The following FBN3 variants were observed in gnomAD, a reference collection of about 807,000 sequenced individuals.
FBN3 encodes fibrillin 3.
Under a neutral mutation model 330.1 loss-of-function variants are expected in FBN3, and 234 were observed. The observed-to-expected ratio is 0.71, with a 90% confidence interval of 0.64 to 0.79. The LOEUF is 0.79. FBN3 is among the 30% of genes least tolerant of loss of function. FBN3 has a pLI of 0.00. For missense variants in FBN3, 3,606 were observed against 3,886.9 expected (o/e 0.93, Z 1.92); for synonymous variants, 1,458 against 1,517.3 (o/e 0.96, Z 0.91).
In FBN3 at chr19:8,090,118, C is replaced by T; in HGVS notation, c.6165G>A (p.Leu2055=). The change falls in exon 49 of 64, where the codon CTG becomes CTA. Residue 2055 remains leucine, a synonymous_variant. Transcript: ENST00000600128. The part of the protein sequence containing the change: ...PGEGWGDPCE[L]CPQEGSAAFQ... ...ACTCACCGCTGCCCTCCTGGGGACA[C>T]AGTTCGCAGGGGTCTCCCCAGCCCT... is the stretch of plus-strand genomic sequence containing the variant. 6.2e-7 allele frequency: 1 copy of T among 1,613,884 alleles called. No homozygotes were observed. Among genetic ancestry groups the T allele is most frequent in the Non-Finnish European group, 8.5e-7 (1 of 1,179,936 alleles).
chr19:8,115,192 T>C (rs556878552), intron 30 of FBN3, among the ~76,000 whole-genome samples: 160 of 152,314 alleles, frequency 1.1e-3, no homozygotes, highest in Admixed American at 2.0e-3. Context: ...TGTGTGATCA[T>C]TTGTTATGGC....
intron 11 of FBN3, 29 bp downstream of exon 11, chr19:8,136,359 G>A (rs772971845): frequency 4.3e-5 from 69 of 1,608,526 alleles, no homozygotes; most frequent in Non-Finnish European, 5.4e-5. Context: ...AGTGAGAACC[G>A]CCCCCCCTTC....
At chr19:8,110,575 A>G (rs919870950) in intron 34 of FBN3, among the ~76,000 whole-genome samples, 7 of 152,168 alleles carry the variant, frequency 4.6e-5, no homozygotes, top group African/African-American at 1.7e-4. Flanking sequence ...AGCCAAAAAT[A>G]TTTACCACCT....
At chr19:8,074,844 C>A in intron 61 of FBN3, 1 of 502,944 alleles carries the variant, frequency 2.0e-6, no homozygotes, top group East Asian at 3.4e-5. Flanking sequence ...TCAACTGAGT[C>A]CTCCAGGCCA....
rs779121529 is a variant in FBN3 at position 8,138,208 on chromosome 19, C to T, written c.1134G>A (p.Ala378=). 9 of 1,612,778 alleles carry T rather than the reference C, an allele frequency of 5.6e-6. No homozygotes were observed. The highest frequency in any genetic ancestry group is 5.0e-5 in the Admixed American group (3 of 59,502). ...CATCAGAGCCATGGGGGTTGAGTCGCGCTGGCCCAAGAGGGGGACCCATGC... is the reference window on the plus strand; with the variant it reads ...CATCAGAGCCATGGGGGTTGAGTCGTGCTGGCCCAAGAGGGGGACCCATGC... The part of the protein sequence containing the change: ...SNGMGPPLGP[A]RLNPHGSDAR... Residue 378 remains alanine (A), a synonymous_variant, in exon 10 of 64, where the codon GCG becomes GCA. Coordinates refer to ENST00000600128, the MANE Select transcript of FBN3 (RefSeq NM_032447.5).
intron 63 of FBN3, among the ~76,000 whole-genome samples, chr19:8,066,668 C>T (rs1214063964): frequency 1.1e-4 from 17 of 151,742 alleles, no homozygotes; most frequent in Non-Finnish European, 1.2e-4. Context: ...ATCACAAGGT[C>T]AGGAGTTCGA....
chr19:8,135,936 G>GGGGGGGGGGGGGGGGGCGGCC, intron 13 of FBN3, 25 bp downstream of exon 13: 1 of 668,778 alleles, frequency 1.5e-6, no homozygotes, highest in Non-Finnish European at 2.4e-6. Context: ...GGAAGCCCCT[G>GGGGGGGGGGGGGGGGGCGGCC]CCCACCCGCC....
At chr19:8,080,332 CAAT>C (rs1201599864) in intron 59 of FBN3, among the ~76,000 whole-genome samples, 1 of 152,212 alleles carries the variant, frequency 6.6e-6, no homozygotes, top group Non-Finnish European at 1.5e-5. Context: ...CACTAAGAAA[CAAT>C]GATGGTAGCA....
At position 8,112,064 on chromosome 19, in the gene FBN3, C is replaced by T. The variant is rs1371096476; in HGVS notation, c.3874G>A (p.Asp1292Asn). The change falls in exon 31 of 64, where the codon GAC becomes AAC. Residue 1292 changes from aspartate (D) to asparagine (N), a missense_variant. Physicochemically the swap from Asp to Asn is conservative, Grantham distance 23 (BLOSUM62 1). Coordinates refer to ENST00000600128, the MANE Select transcript of FBN3 (RefSeq NM_032447.5). ...ATGTTGAGACAGGAGGCGTGACTGT[C>T]ACAGTTGTGTCCTCCAACCTCGCAT... Reference protein sequence around the residue: ...DECEVGGHNCDSHASCLNIPG... With the variant: ...DECEVGGHNCNSHASCLNIPG... 1.9e-6 allele frequency: 3 copies of T among 1,613,452 alleles called. No individual in the cohort carries two copies. In the African/African-American group the frequency reaches 4.0e-5, roughly 22 times the overall value.
rs560310491 is a variant in FBN3 at position 8,102,121 on chromosome 19, C to T, written c.5089+603G>A. On this transcript the variant is annotated intron_variant, in intron 40 of 63. Transcript: ENST00000600128. ...CTCTCTTGCCTGCCACCATGTAAGA[C>T]GTGCTTTTGCTCCTCCTTCACCTTC... Among the ~76,000 whole-genome samples the T allele has an allele frequency of 1.9e-3, 289 of 152,306 alleles. 1 individual carries two copies. Among genetic ancestry groups the T allele is most frequent in the African/African-American group, 6.3e-3 (263 of 41,572 alleles).
intron 47 of FBN3, among the ~76,000 whole-genome samples, chr19:8,092,663 T>C (rs886718069): frequency 1.6e-5 from 2 of 127,274 alleles, no homozygotes; most frequent in African/African-American, 6.2e-5. Context: ...TGCAGTGAGC[T>C]GAGACTGTGC....
At chr19:8,148,570 A>C (rs1453827102) in intron 1 of FBN3, among the ~76,000 whole-genome samples, 1 of 152,178 alleles carries the variant, frequency 6.6e-6, no homozygotes, top group Admixed American at 6.5e-5. Context: ...GAGGGAGAAG[A>C]CCGGGACAGG....
chr19:8,111,447 G>A (rs57890400), intron 32 of FBN3, among the ~76,000 whole-genome samples: 3,198 of 152,152 alleles, frequency 0.021, 121 homozygotes, highest in African/African-American at 0.074. Flanking sequence ...GGAAGGAAGC[G>A]TCTCATGCAC....
rs763596242 is a variant in FBN3 at position 8,147,122 on chromosome 19, T to C, written c.232A>G (p.Arg78Gly). ...CCPGWRTFPG[R>G]SQCVVPICRR... ...CACTCACGTACGACACACTGGCTCC[T>C]GCCAGGGAATGTCCTCCAGCCTGGA... The change falls in exon 3 of 64, where the codon AGG becomes GGG. Residue 78 changes from arginine (R) to glycine (G), a missense_variant. Arg to Gly is a moderately radical substitution (Grantham distance 125). Transcript: ENST00000600128. 3 of 1,566,936 alleles carry C rather than the reference T, an allele frequency of 1.9e-6. No individual in the cohort carries two copies. The highest frequency in any genetic ancestry group is 2.6e-6 in the Non-Finnish European group (3 of 1,158,204).
intron 63 of FBN3, among the ~76,000 whole-genome samples, chr19:8,070,622 G>A (rs1188362311): frequency 3.3e-5 from 5 of 152,184 alleles, no homozygotes; most frequent in East Asian, 1.9e-4. Flanking sequence ...AGAAGTCCAC[G>A]TGCCATATCC....
rs1043504032 is a variant in FBN3, at chr19:8,145,719, G to A, written c.445+124C>T. On this transcript the variant is annotated intron_variant, in intron 5 of 63. Coordinates refer to ENST00000600128, the MANE Select transcript of FBN3 (RefSeq NM_032447.5). The stretch of plus-strand genomic sequence containing the variant: ...AAAAAAAGAGACTGTGGCAATAAAC[G>A]TCCCCTGCAATCTCCAGTCCAGGAA... 14 of 533,882 alleles carry A rather than the reference G, an allele frequency of 2.6e-5. 1 individual carries two copies. The highest frequency in any genetic ancestry group is 1.2e-4 in the African/African-American group (6 of 49,686). The allele number at this position is 533,882 out of a possible 1,614,324, so 33.1% of individuals were successfully genotyped here. A position where few individuals can be genotyped will look rare whatever the true frequency, so the allele number is the denominator to read the frequency against.
rs770811627 is a variant in FBN3 at position 8,066,132 on chromosome 19, G to T, written c.8217C>A (p.Tyr2739Ter). ...ALEGLEGRIR[Y>*]VIVRGNEQGF... ...CTTGCTCGTTTCCGCGGACGATGAC[G>T]TAGCGGATCCGGCCCTCTAGACCCT... is the stretch of plus-strand genomic sequence containing the variant. The change falls in exon 64 of 64, where the codon TAC becomes TAA. Residue 2739 changes from tyrosine (Y) to a stop codon, truncating the protein, a stop_gained. Coordinates refer to ENST00000600128, the MANE Select transcript of FBN3 (RefSeq NM_032447.5). LOFTEE classifies it low-confidence loss of function (END_TRUNC). 1.2e-5 allele frequency: 20 copies of T among 1,613,540 alleles called. No individual in the cohort carries two copies. In the South Asian group the frequency reaches 2.1e-4, roughly 17 times the overall value.
At chr19:8,099,462 A>G (rs1018745040) in intron 41 of FBN3, among the ~76,000 whole-genome samples, 10 of 150,132 alleles carry the variant, frequency 6.7e-5, no homozygotes, top group Non-Finnish European at 1.5e-5. Context: ...TTGTATTTTT[A>G]GTAGAGACGG....
Position 8,112,098 on chromosome 19 carries a change from A to C in FBN3, c.3840T>G (p.Asp1280Glu), listed in dbSNP as rs780480265. 6.2e-7 allele frequency: 1 copy of C among 1,611,282 alleles called. No homozygotes were observed. The highest frequency in any genetic ancestry group is 1.1e-5 in the South Asian group (1 of 90,962). Residue 1280 changes from aspartate to glutamate, a missense_variant and splice_region_variant, in exon 31 of 64, where the codon GAT becomes GAG. By Grantham distance (45) the Asp-to-Glu change is conservative. Coordinates refer to ENST00000600128, the MANE Select transcript of FBN3 (RefSeq NM_032447.5). ...MVRKGATGCS[D>E]VDECEVGGHN... ...GTCCTCCAACCTCGCATTCATCCACATCTAAAGGGAGAGGAGGCACGACGC... is the reference window on the plus strand; with the variant it reads ...GTCCTCCAACCTCGCATTCATCCACCTCTAAAGGGAGAGGAGGCACGACGC...
Sources: allele counts gnomAD v4.1 joint callset (sites outside exome capture counted in the v4.1 genomes callset), GRCh38; gene constraint gnomAD v4.1.1; transcripts MANE v1.5; gene names NCBI Gene and HGNC (gene_info 2026-07-23, HGNC 2026-07-21).